OR1L8: variants seen among roughly 807,000 people sequenced by gnomAD.
OR1L8 encodes olfactory receptor 1L8.
For missense variants in OR1L8, 330 were observed against 377.4 expected (o/e 0.87, Z 1.04); for synonymous variants, 148 against 147.0 (o/e 1.01, Z -0.05).
the OR1L8 span, among the ~76,000 whole-genome samples, chr9:122,559,518 C>T: frequency 6.1e-3 from 933 of 152,140 alleles, 4 homozygotes; most frequent in Non-Finnish European, 9.7e-3. Flanking sequence ...GATTCTGGTA[C>T]GTTGTCTCTT....
the OR1L8 span, among the ~76,000 whole-genome samples, chr9:122,561,896 T>G: frequency 1.3e-5 from 2 of 152,134 alleles, no homozygotes; most frequent in Admixed American, 6.5e-5. Context: ...GGAGGGAAAC[T>G]TACTCATCTG....
At chr9:122,579,932 G>T (rs767889768) in intron 1 of OR1L8, among the ~76,000 whole-genome samples, 5 of 152,118 alleles carry the variant, frequency 3.3e-5, no homozygotes, top group Non-Finnish European at 7.3e-5. Context: ...CCCACCTAAA[G>T]TACTTCTCTT....
At chr9:122,572,461 C>T (rs184284130) in intron 4 of OR1L8, among the ~76,000 whole-genome samples, 4 of 151,760 alleles carry the variant, frequency 2.6e-5, no homozygotes, top group East Asian at 3.9e-4. Flanking sequence ...ATGCTTATCA[C>T]GGGGAAAAAG....
At chr9:122,582,983 G>T (rs1829757055) in intron 1 of OR1L8, among the ~76,000 whole-genome samples, 1 of 151,808 alleles carries the variant, frequency 6.6e-6, no homozygotes, top group Non-Finnish European at 1.5e-5. Flanking sequence ...ATAGCAGAGA[G>T]AGAATATAAA....
intron 4 of OR1L8, among the ~76,000 whole-genome samples, chr9:122,569,616 TAC>T (rs1168347704): frequency 1.1e-5 from 1 of 90,576 alleles, no homozygotes; most frequent in Non-Finnish European, 2.2e-5. Flanking sequence ...ATAAAATCTC[TAC>T]AGTGAACATA....
chr9:122,555,945 A>G, the OR1L8 span, among the ~76,000 whole-genome samples: 1 of 152,188 alleles, frequency 6.6e-6, no homozygotes, highest in Admixed American at 6.5e-5. Flanking sequence ...GGGTTTTGAC[A>G]AATGCTTAAT....
chr9:122,573,271 C>T (rs1428735332), intron 3 of OR1L8, among the ~76,000 whole-genome samples: 1 of 152,210 alleles, frequency 6.6e-6, no homozygotes, highest in African/African-American at 2.4e-5. Context: ...GAGACAGGGA[C>T]CCCTGAGGCT....
In OR1L8 at chr9:122,567,371, A is replaced by C; in HGVS notation, c.*177T>G. ...ACAGACAGGAAACGATTGTGATTTA[A>C]GAGATACAGGCCGAATTGTTGGGTC... On this transcript the variant is annotated 3_prime_UTR_variant, in exon 5 of 5. Transcript: ENST00000641027. 2.1e-6 allele frequency: 1 copy of C among 486,272 alleles called. No individual in the cohort carries two copies. The highest frequency in any genetic ancestry group is 1.9e-5 in the African/African-American group (1 of 51,420). 30.1% of individuals were successfully genotyped at this position (486,272 alleles called of 1,614,324 possible). A position where few individuals can be genotyped will look rare whatever the true frequency, so the allele number is the denominator to read the frequency against.
In OR1L8 at chr9:122,567,934, G is replaced by A. The variant is rs746159813; in HGVS notation, c.544C>T (p.Leu182Phe). The change falls in exon 5 of 5, where the codon CTC (leucine) becomes TTC (phenylalanine). Residue 182 changes from leucine to phenylalanine, a missense_variant. By Grantham distance (22) the Leu-to-Phe change is conservative. Coordinates refer to ENST00000641027, the MANE Select transcript of OR1L8 (RefSeq NM_001004454.2). The part of the protein sequence containing the change: ...SNVIHHFLCD[L>F]SPVLKLSCSS... ...CAGGACAATTTCAGCACAGGGCTGA[G>A]GTCACAGAGAAAGTGGTGGATAACA... The A allele has an allele frequency of 1.2e-6, 2 of 1,614,114 alleles. No individual in the cohort carries two copies. Among genetic ancestry groups the A allele is most frequent in the Middle Eastern group, 1.6e-4 (1 of 6,062 alleles).
At chr9:122,564,096 C>A (rs1829393123), downstream of OR1L8, among the ~76,000 whole-genome samples, 1 of 152,144 alleles carries the variant, frequency 6.6e-6, no homozygotes, top group African/African-American at 2.4e-5. Context: ...ATGATCTGAT[C>A]TTTTGGGGAC....
At position 122,568,273 on chromosome 9, in the gene OR1L8, G is replaced by C. The variant is rs1470332391; in HGVS notation, c.205C>G (p.Leu69Val). The change falls in exon 5 of 5, where the codon CTC (leucine) becomes GTC (valine). Residue 69 changes from leucine to valine, a missense_variant. Transcript: ENST00000641027. ...CTTGTTGTAAAGCAAATATCAGTGA[G>C]AGACAGAAAACTCAAGAAGAAATAC... ...PMYFFLSFLSLTDICFTTSVV... is the reference protein window; with the variant it reads ...PMYFFLSFLSVTDICFTTSVV... 7.4e-6 allele frequency: 12 copies of C among 1,613,978 alleles called. No individual in the cohort carries two copies. Among genetic ancestry groups the C allele is most frequent in the Non-Finnish European group, 8.5e-6 (10 of 1,179,958 alleles).
At chr9:122,560,564 T>G in the OR1L8 span, among the ~76,000 whole-genome samples, 127 of 152,294 alleles carry the variant, frequency 8.3e-4, no homozygotes, top group African/African-American at 2.7e-3. Context: ...TGGAAAGGAT[T>G]TTATTTCTCA....
chr9:122,576,450 G>A (rs1829658854), intron 3 of OR1L8, among the ~76,000 whole-genome samples: 1 of 148,994 alleles, frequency 6.7e-6, no homozygotes, highest in African/African-American at 2.5e-5. Flanking sequence ...GGCCAGGCTT[G>A]TCTTGAACTC....
At chr9:122,577,310 C>A (rs1829674634) in intron 2 of OR1L8, among the ~76,000 whole-genome samples, 1 of 152,096 alleles carries the variant, frequency 6.6e-6, no homozygotes, top group Non-Finnish European at 1.5e-5. Context: ...TGGGTTGATC[C>A]TATTATTGTA....
At chr9:122,554,167 A>G in the OR1L8 span, 2 of 1,602,184 alleles carry the variant, frequency 1.2e-6, no homozygotes, top group Non-Finnish European at 1.7e-6. Flanking sequence ...TTATGATTAG[A>G]CATCTAGACG....
At chr9:122,578,213 G>T in intron 2 of OR1L8, 111 bp downstream of exon 2, 1 of 152,316 alleles carries the variant, frequency 6.6e-6, no homozygotes, top group East Asian at 1.9e-4. Context: ...CATTTTAGGA[G>T]GGTGAGGCAG....
the OR1L8 span, among the ~76,000 whole-genome samples, chr9:122,559,496 C>T: frequency 6.6e-6 from 1 of 152,040 alleles, no homozygotes; most frequent in Non-Finnish European, 1.5e-5. Context: ...ACTGCTTTAG[C>T]TGTGTCCCAG....
the OR1L8 span, among the ~76,000 whole-genome samples, chr9:122,550,088 T>C: frequency 1.3e-5 from 2 of 152,122 alleles, no homozygotes; most frequent in Admixed American, 1.3e-4. Context: ...CTTGGTTACA[T>C]ATAATCCTAG....
At chr9:122,564,324 C>T (rs966728943), downstream of OR1L8, among the ~76,000 whole-genome samples, 1 of 152,130 alleles carries the variant, frequency 6.6e-6, no homozygotes, top group Non-Finnish European at 1.5e-5. Context: ...GGTTATTTCT[C>T]CAATTCTAAT....
Sources: allele counts gnomAD v4.1 joint callset (sites outside exome capture counted in the v4.1 genomes callset), GRCh38; gene constraint gnomAD v4.1.1; transcripts MANE v1.5; gene names NCBI Gene and HGNC (gene_info 2026-07-23, HGNC 2026-07-21).